Variants in DPP10 observed in about 807,000 individuals in gnomAD.
DPP10 encodes dipeptidyl peptidase like 10, also known as inactive dipeptidyl peptidase 10.
Under a neutral mutation model 120.9 loss-of-function variants are expected in DPP10, and 33 were observed. The observed-to-expected ratio is 0.27, with a 90% CI of 0.21 to 0.37. The LOEUF (loss-of-function observed/expected upper bound fraction) is 0.37. Ranked by LOEUF, DPP10 falls within the 10% of genes least tolerant of loss-of-function variation. DPP10 has a pLI of 1.00. For synonymous variants in DPP10, 337 were observed against 326.1 expected (o/e 1.03, Z -0.36); for missense variants, 816 against 942.8 (o/e 0.87, Z 1.76).
intron 1 of DPP10, among the ~76,000 whole-genome samples, chr2:115,261,053 A>G (rs778549278): frequency 6.6e-6 from 1 of 152,198 alleles, no homozygotes; most frequent in Non-Finnish European, 1.5e-5. Context: ...ACTGCATTTC[A>G]TAGCCAATAA....
At chr2:114,538,325 A>G (rs1686683091) in intron 1 of DPP10, among the ~76,000 whole-genome samples, 1 of 152,128 alleles carries the variant, frequency 6.6e-6, no homozygotes, top group Non-Finnish European at 1.5e-5. Flanking sequence ...ACTACTCTGC[A>G]TTTGTTATCC....
chr2:115,377,268 A>C lies in DPP10; in HGVS notation c.271+33356A>C, dbSNP rs866790443. On this transcript the variant is annotated intron_variant, in intron 3 of 25. Transcript: ENST00000410059. ...TCTAACTGGTGTGAGATGGTATCTC[A>C]TTGTGGTTTTGATTTGCATTTCTCT... Among the ~76,000 whole-genome samples, 810 of 150,984 alleles carry C rather than the reference A, an allele frequency of 5.4e-3. 7 individuals carry two copies. The highest frequency in any genetic ancestry group is 0.019 in the African/African-American group (765 of 41,316).
intron 1 of DPP10, among the ~76,000 whole-genome samples, chr2:114,462,915 T>G (rs569900675): frequency 6.6e-6 from 1 of 152,332 alleles, no homozygotes; most frequent in African/African-American, 2.4e-5. Flanking sequence ...AGCTCCTGCA[T>G]ACTTTTAGCC....
At chr2:114,510,778 G>T (rs2104577457) in intron 1 of DPP10, among the ~76,000 whole-genome samples, 1 of 152,260 alleles carries the variant, frequency 6.6e-6, no homozygotes, top group South Asian at 2.1e-4. Flanking sequence ...CCTTTAGGAG[G>T]ATTTCTTCTG....
intron 1 of DPP10, among the ~76,000 whole-genome samples, chr2:114,926,137 T>C (rs1401567537): frequency 1.3e-5 from 2 of 152,182 alleles, no homozygotes; most frequent in Non-Finnish European, 2.9e-5. Context: ...TTCTCAGATG[T>C]GATGCTTGAA....
At chr2:114,564,760 G>A (rs974920392) in intron 1 of DPP10, among the ~76,000 whole-genome samples, 4 of 152,110 alleles carry the variant, frequency 2.6e-5, no homozygotes, top group Non-Finnish European at 4.4e-5. Flanking sequence ...GGCAAAGCAG[G>A]GAAGGAGAAA....
chr2:114,457,958 C>T (rs1444926918), intron 1 of DPP10, among the ~76,000 whole-genome samples: 1 of 152,158 alleles, frequency 6.6e-6, no homozygotes, highest in African/African-American at 2.4e-5. Context: ...CCAGTGTTAA[C>T]CCAGAAAGCA....
intron 1 of DPP10, among the ~76,000 whole-genome samples, chr2:114,639,025 G>A (rs2105416989): frequency 6.6e-6 from 1 of 151,920 alleles, no homozygotes; most frequent in South Asian, 2.1e-4. Flanking sequence ...AAACAATTTA[G>A]TGTAGGAACA....
chr2:114,834,155 C>G (rs544933124), intron 1 of DPP10: 1 of 138,420 alleles, frequency 7.2e-6, no homozygotes, highest in East Asian at 2.1e-4. Flanking sequence ...ATCTACGCAC[C>G]TATGTATATA....
intron 5 of DPP10, among the ~76,000 whole-genome samples, chr2:115,554,473 G>A (rs1230636545): frequency 6.6e-6 from 1 of 151,784 alleles, no homozygotes; most frequent in African/African-American, 2.4e-5. Context: ...TACTGATTTG[G>A]GGTAGATGCA....
At chr2:115,375,695 C>G (rs2106426776) in intron 3 of DPP10, among the ~76,000 whole-genome samples, 1 of 152,330 alleles carries the variant, frequency 6.6e-6, no homozygotes, top group East Asian at 1.9e-4. Context: ...GTTCCACAGG[C>G]TTAACACAAA....
chr2:115,259,328 A>C (rs1454362895), intron 1 of DPP10, among the ~76,000 whole-genome samples: 1 of 152,148 alleles, frequency 6.6e-6, no homozygotes, highest in East Asian at 1.9e-4. Context: ...CTAAAAATGC[A>C]AAAAAATTAG....
rs373396886 is a variant in DPP10, at chr2:114,965,891, G to A, written c.61-343348G>A. On this transcript the variant is annotated intron_variant, in intron 1 of 25. Coordinates refer to ENST00000410059, the MANE Select transcript of DPP10 (RefSeq NM_020868.6). ...TGAGGCAGGAGAATGGCATGAACCC[G>A]GGAGGCAGGGCTTGCGGTGAGCCGA... 2.4e-4 allele frequency among the ~76,000 whole-genome samples: 35 copies of A among 144,732 alleles called. 1 individual carries two copies. The highest frequency in any genetic ancestry group is 1.3e-3 in the East Asian group (6 of 4,584). 94.9% of individuals were successfully genotyped at this position (144,732 alleles called of 152,430 possible). A position where few individuals can be genotyped will look rare whatever the true frequency, so the allele number is the denominator to read the frequency against.
intron 1 of DPP10, among the ~76,000 whole-genome samples, chr2:114,601,886 G>A (rs1443098434): frequency 6.6e-6 from 1 of 151,816 alleles, no homozygotes; most frequent in Non-Finnish European, 1.5e-5. Flanking sequence ...TTGATTGGGG[G>A]AAAATTAAAG....
At chr2:114,693,437 T>G (rs1339103667) in intron 1 of DPP10, among the ~76,000 whole-genome samples, 3 of 151,950 alleles carry the variant, frequency 2.0e-5, no homozygotes, top group African/African-American at 7.2e-5. Flanking sequence ...GGGTTTCCAC[T>G]GAGAAGTCCA....
intron 3 of DPP10, among the ~76,000 whole-genome samples, chr2:115,409,905 C>T (rs2068812301): frequency 6.6e-6 from 1 of 152,216 alleles, no homozygotes. Flanking sequence ...AGTGAAGTAA[C>T]TCGGGATTGG....
intron 1 of DPP10, among the ~76,000 whole-genome samples, chr2:114,904,806 G>A (rs1469177750): frequency 6.6e-6 from 1 of 152,066 alleles, no homozygotes; most frequent in Non-Finnish European, 1.5e-5. Flanking sequence ...GAGAGAAATG[G>A]CCCCAAGATA....
At chr2:115,258,841 A>G (rs1158046061) in intron 1 of DPP10, among the ~76,000 whole-genome samples, 1 of 152,186 alleles carries the variant, frequency 6.6e-6, no homozygotes, top group Non-Finnish European at 1.5e-5. Flanking sequence ...CTGAGCTGTG[A>G]TAGCACCACT....
intron 5 of DPP10, among the ~76,000 whole-genome samples, chr2:115,686,903 T>A (rs1052471622): frequency 7.2e-5 from 11 of 152,060 alleles, no homozygotes; most frequent in African/African-American, 2.4e-4. Context: ...GATGCTCAGT[T>A]TGGCTTTCAC....
Sources: gnomAD v4.1 joint callset for allele counts (sites outside exome capture counted in the v4.1 genomes callset) on GRCh38, gnomAD v4.1.1 for gene constraint, MANE v1.5 for transcripts, NCBI Gene and HGNC (gene_info 2026-07-23, HGNC 2026-07-21) for gene names.